Variants in TAF5L observed in about 807,000 individuals in gnomAD.
TAF5L encodes the protein TATA-box binding protein associated factor 5 like.
Under a neutral mutation model 51.3 loss-of-function variants are expected in TAF5L, and 7 were observed. The observed-to-expected ratio is 0.14, with a 90% CI of 0.08 to 0.26. The LOEUF (loss-of-function observed/expected upper bound fraction) is 0.26, where lower values mean the gene tolerates loss of function less well. TAF5L is among the 10% of genes least tolerant of loss of function. The pLI, the probability that TAF5L is intolerant of heterozygous loss-of-function variation, is 1.00. For synonymous variants in TAF5L, 291 were observed against 308.1 expected, an observed-to-expected ratio of 0.94 and a Z score of 0.58; for missense variants, 575 against 758.9, an observed-to-expected ratio of 0.76 and a Z score of 2.85.
chr1:229,604,669 C>A (rs1163997968), intron 3 of TAF5L, among the ~76,000 whole-genome samples: 1 of 152,132 alleles, frequency 6.6e-6, no homozygotes, highest in Non-Finnish European at 1.5e-5. Flanking sequence ...GCCCACACCC[C>A]TGAAGAATGA....
intron 2 of TAF5L, 33 bp downstream of exon 2, chr1:229,614,308 G>A (rs1558152420): frequency 6.2e-7 from 1 of 1,614,188 alleles, no homozygotes; most frequent in Non-Finnish European, 8.5e-7. Context: ...TCCTGCTCCA[G>A]GCTCACCCCA....
At chr1:229,600,614 T>C (rs1187877939) in intron 4 of TAF5L, 73 of 985,342 alleles carry the variant, frequency 7.4e-5, no homozygotes, top group South Asian at 1.4e-4. Flanking sequence ...TATAAGACAG[T>C]GTCACTACAT....
rs114414067 is a variant in TAF5L, at chr1:229,619,208, G to A, written c.-3-4723C>T. ...GCCCTAGCTTTGCATTAATCATCATGATAAAGTGTATTCAATAAGCTTTGT... is the reference window on the plus strand; with the variant it reads ...GCCCTAGCTTTGCATTAATCATCATAATAAAGTGTATTCAATAAGCTTTGT... On this transcript the variant is annotated intron_variant, in intron 1 of 4. Transcript: ENST00000258281. Among the ~76,000 whole-genome samples the A allele has an allele frequency of 2.9e-3, 449 of 152,212 alleles. 4 individuals carry two copies. Among genetic ancestry groups the A allele is most frequent in the African/African-American group, 0.01 (434 of 41,516 alleles).
rs748907183 is a variant in TAF5L at position 229,602,209 on chromosome 1, T to C, written c.958A>G (p.Ile320Val). ...GGTATTCATACCTCCTCCTCCAGAA[T>C]ATCACAAGCCAAATGGATGCGGGAC... is the stretch of plus-strand genomic sequence containing the variant. Residue 320 changes from isoleucine to valine, a missense_variant, in exon 4 of 5, where the codon ATT becomes GTT. Ile to Val is a conservative substitution (Grantham distance 29). This residue lies in a region of TAF5L where 380 missense variants were observed against 443.7 expected (regional missense o/e 0.86). Coordinates refer to ENST00000258281, the Ensembl canonical transcript of TAF5L. The surrounding 1 kb of genome is among the most constrained non-coding windows in gnomAD (Gnocchi z 4.6). 1.2e-5 allele frequency: 19 copies of C among 1,612,832 alleles called. No individual in the cohort carries two copies. The highest frequency in any genetic ancestry group is 1.6e-5 in the Non-Finnish European group (19 of 1,179,112).
intron 3 of TAF5L, among the ~76,000 whole-genome samples, chr1:229,609,776 C>T (rs1260036887): frequency 1.3e-5 from 2 of 151,036 alleles, no homozygotes; most frequent in Non-Finnish European, 2.9e-5. Flanking sequence ...AGTCACAAGT[C>T]ACTGTGCTGA....
chr1:229,600,035 G>A, intron 4 of TAF5L: 11 of 983,550 alleles, frequency 1.1e-5, no homozygotes, highest in Non-Finnish European at 1.2e-5. Context: ...CCTGTATTAA[G>A]AGTCTCTATT....
chr1:229,606,016 A>T (rs1386979750), intron 3 of TAF5L: 5 of 551,744 alleles, frequency 9.1e-6, no homozygotes, highest in Non-Finnish European at 1.2e-5. Context: ...CCTTAGAAAC[A>T]AAATTTCAGG....
intron 3 of TAF5L, among the ~76,000 whole-genome samples, chr1:229,603,701 A>G (rs1342234310): frequency 1.8e-4 from 28 of 152,266 alleles, no homozygotes. Flanking sequence ...TTGGGAGTTT[A>G]GCGCCATGAA....
chr1:229,597,769 A>C (rs546785384), intron 4 of TAF5L, among the ~76,000 whole-genome samples: 78 of 152,366 alleles, frequency 5.1e-4, no homozygotes, highest in African/African-American at 1.9e-3. Flanking sequence ...ATAGAAATTT[A>C]ACAAGAAAAA....
chr1:229,607,324 T>G, intron 3 of TAF5L: 3 of 985,420 alleles, frequency 3.0e-6, no homozygotes, highest in Non-Finnish European at 3.6e-6. Flanking sequence ...CCAAGCACTT[T>G]AATTCACAGT....
exon 5 of TAF5L, chr1:229,593,957 C>G (rs1257012868): frequency 1.7e-5 from 4 of 238,716 alleles, no homozygotes; most frequent in African/African-American, 9.1e-5. Context: ...TCTACAGCCG[C>G]CCTCTAACCA....
Position 229,593,956 on chromosome 1 carries a change from G to A in TAF5L, c.*341C>T, listed in dbSNP as rs1664015282. Reference sequence around the variant, plus strand: ...CTTCTCCTGAGGGTGCTCTACAGCCGCCCTCTAACCAAACCTAGCCCCAGT... The same window carrying A: ...CTTCTCCTGAGGGTGCTCTACAGCCACCCTCTAACCAAACCTAGCCCCAGT... On this transcript the variant is annotated 3_prime_UTR_variant, in exon 5 of 5. Transcript: ENST00000258281. 6 of 234,612 alleles carry A rather than the reference G, an allele frequency of 2.6e-5. No homozygotes were observed. The South Asian group carries it at 3.1e-4, about 12-fold the overall frequency. 14.5% of individuals were successfully genotyped at this position (234,612 alleles called of 1,614,324 possible). A position where few individuals can be genotyped will look rare whatever the true frequency, so the allele number is the denominator to read the frequency against.
exon 5 of TAF5L, chr1:229,595,053 C>T: frequency 6.2e-7 from 1 of 1,611,680 alleles, no homozygotes; most frequent in Non-Finnish European, 8.5e-7. Context: ...AGTGGCCCCG[C>T]AGTATCTTCA....
chr1:229,619,426 G>A (rs368813217), intron 1 of TAF5L, among the ~76,000 whole-genome samples: 2 of 152,192 alleles, frequency 1.3e-5, no homozygotes, highest in African/African-American at 4.8e-5. Context: ...GGATAAGGCC[G>A]TAGCTGGGCT....
rs1664421607 is a variant in TAF5L, at chr1:229,602,555, T to G, written c.612A>C (p.Arg204Ser). ...CACTGGCATACAGCTGATAGTCTGT[T>G]CTCTTGGCAGGCTGCACGTCAAGAT... is the stretch of plus-strand genomic sequence containing the variant. Residue 204 changes from arginine to serine, a missense_variant, in exon 4 of 5, where the codon AGA (arginine) becomes AGC (serine). Arg to Ser is a moderately radical substitution (Grantham distance 110). Coordinates refer to ENST00000258281, the Ensembl canonical transcript of TAF5L. The surrounding 1 kb of genome is among the most constrained non-coding windows in gnomAD (Gnocchi z 4.6). The G allele has an allele frequency of 6.2e-7, 1 of 1,614,062 alleles. No homozygotes were observed. The highest frequency in any genetic ancestry group is 1.3e-5 in the African/African-American group (1 of 74,938).
intron 2 of TAF5L, among the ~76,000 whole-genome samples, chr1:229,613,392 C>T (rs1664861210): frequency 6.8e-6 from 1 of 146,692 alleles, no homozygotes; most frequent in African/African-American, 2.5e-5. Context: ...AGTCATATTA[C>T]ATAAAAACAT....
chr1:229,615,774 C>A (rs575126348), intron 1 of TAF5L, among the ~76,000 whole-genome samples: 2 of 152,152 alleles, frequency 1.3e-5, no homozygotes, highest in Admixed American at 6.5e-5. Context: ...TTGGGGTTCA[C>A]TTCTGTCATG....
Position 229,602,677 on chromosome 1 carries a change from C to T in TAF5L, c.490G>A (p.Val164Met), listed in dbSNP as rs202182944. ...TAGCTGTCTTCTTGGAGACGGACCA[C>T]GTACTTGTTATCTAGGAATGCTCGA... Residue 164 changes from valine to methionine, a missense_variant, in exon 4 of 5, where the codon GTG (valine) becomes ATG (methionine). Physicochemically the swap from Val to Met is conservative, Grantham distance 21. This residue lies in a region of TAF5L where 380 missense variants were observed against 443.7 expected (regional missense o/e 0.86). Coordinates refer to ENST00000258281, the Ensembl canonical transcript of TAF5L. The surrounding 1 kb of genome is among the most constrained non-coding windows in gnomAD (Gnocchi z 4.6). 31 of 1,614,012 alleles carry T rather than the reference C, an allele frequency of 1.9e-5. No individual in the cohort carries two copies. The highest frequency in any genetic ancestry group is 5.5e-5 in the South Asian group (5 of 91,086).
In TAF5L at chr1:229,617,152, T is replaced by C. The variant is rs139592573; in HGVS notation, c.-3-2667A>G. 6.4e-4 allele frequency among the ~76,000 whole-genome samples: 97 copies of C among 152,354 alleles called. 1 individual carries two copies. In the East Asian group the frequency reaches 0.015, roughly 24 times the overall value. On this transcript the variant is annotated intron_variant, in intron 1 of 4. Transcript: ENST00000258281. Reference sequence around the variant, plus strand: ...GAGTGGGGTCCCTGCTCCCATTCTCTGTGGCCACTGATCAGCACTGCTCTA... The same window carrying C: ...GAGTGGGGTCCCTGCTCCCATTCTCCGTGGCCACTGATCAGCACTGCTCTA...
Sources: gnomAD v4.1 joint callset for allele counts (sites outside exome capture counted in the v4.1 genomes callset) on GRCh38, gnomAD v4.1.1 for gene constraint, gnomAD v4.1.1 regional missense constraint, Gnocchi (gnomAD v3.1) non-coding constraint, MANE v1.5 for transcripts, NCBI Gene and HGNC (gene_info 2026-07-23, HGNC 2026-07-21) for gene names.